LPP: variants seen among roughly 807,000 people sequenced by gnomAD.
LPP encodes lipoma-preferred partner.
LPP carries 38 observed loss-of-function variants against 60.4 expected under a neutral mutation model. That is an observed-to-expected ratio of 0.63 (90% CI 0.49 to 0.83). The LOEUF (loss-of-function observed/expected upper bound fraction) is 0.83. Among genes scored for constraint, LPP ranks in the 40% least tolerant of loss-of-function variants. The pLI, the probability that LPP is intolerant of heterozygous loss-of-function variation, is 0.00. For missense variants in LPP, 902 were observed against 783.6 expected (o/e 1.15, Z -1.80); for synonymous variants, 328 against 290.8 (o/e 1.13, Z -1.30).
intron 8 of LPP, among the ~76,000 whole-genome samples, chr3:188,717,742 T>A (rs1714633133): frequency 6.6e-6 from 1 of 152,234 alleles, no homozygotes; most frequent in Non-Finnish European, 1.5e-5. Flanking sequence ...CAGCACTAAA[T>A]AAATAATAAT....
At chr3:188,782,509 G>A (rs1740130535) in intron 9 of LPP, among the ~76,000 whole-genome samples, 1 of 152,118 alleles carries the variant, frequency 6.6e-6, no homozygotes, top group African/African-American at 2.4e-5. Flanking sequence ...GAGTTTATGT[G>A]GTTTAATTGC....
intron 9 of LPP, among the ~76,000 whole-genome samples, chr3:188,844,053 A>G (rs1760832829): frequency 6.6e-6 from 1 of 152,140 alleles, no homozygotes; most frequent in South Asian, 2.1e-4. Flanking sequence ...TTCTTAGAAT[A>G]CTGTTAATTT....
intron 4 of LPP, among the ~76,000 whole-genome samples, chr3:188,458,837 G>C (rs1343009327): frequency 6.6e-6 from 1 of 151,772 alleles, no homozygotes; most frequent in East Asian, 1.9e-4. Context: ...AATGCAGTGT[G>C]GGTTTTTTTT....
intron 6 of LPP, among the ~76,000 whole-genome samples, chr3:188,578,002 A>G (rs2150946151): frequency 6.6e-6 from 1 of 152,124 alleles, no homozygotes; most frequent in East Asian, 1.9e-4. Context: ...TCTTAAATGT[A>G]CTACAGTAGA....
At chr3:188,621,464 T>C (rs1845788037) in intron 7 of LPP, among the ~76,000 whole-genome samples, 2 of 152,204 alleles carry the variant, frequency 1.3e-5, no homozygotes. Flanking sequence ...GATTATGGCC[T>C]CTAGCTCCAT....
intron 2 of LPP, among the ~76,000 whole-genome samples, chr3:188,321,798 A>G (rs188345865): frequency 1.1e-3 from 165 of 152,322 alleles, no homozygotes; most frequent in Admixed American, 1.4e-3. Flanking sequence ...GTTAACTGGC[A>G]TTTGTTGAAA....
At chr3:188,247,827 A>G (rs1727554372) in intron 2 of LPP, among the ~76,000 whole-genome samples, 1 of 151,928 alleles carries the variant, frequency 6.6e-6, no homozygotes, top group Admixed American at 6.6e-5. Flanking sequence ...AGATGTGATC[A>G]ATATCAATCT....
At chr3:188,310,252 C>T (rs1415943669) in intron 2 of LPP, among the ~76,000 whole-genome samples, 2 of 146,594 alleles carry the variant, frequency 1.4e-5, no homozygotes, top group East Asian at 2.0e-4. Context: ...GGAAGACTGA[C>T]GAAGTTGGCC....
chr3:188,819,353 T>C (rs1264732157), intron 9 of LPP, among the ~76,000 whole-genome samples: 2 of 151,852 alleles, frequency 1.3e-5, no homozygotes, highest in Non-Finnish European at 2.9e-5. Flanking sequence ...TATTCCCATC[T>C]TTACATCCAT....
chr3:188,512,768 A>G (rs1250164360), intron 5 of LPP, among the ~76,000 whole-genome samples: 1 of 152,156 alleles, frequency 6.6e-6, no homozygotes, highest in African/African-American at 2.4e-5. Flanking sequence ...ATGATGAGCT[A>G]ATGTATAAAG....
intron 6 of LPP, among the ~76,000 whole-genome samples, chr3:188,593,820 C>T (rs895460482): frequency 6.6e-6 from 1 of 152,038 alleles, no homozygotes; most frequent in Non-Finnish European, 1.5e-5. Context: ...ATGTATACAC[C>T]GTAGTTTCTT....
chr3:188,839,464 T>C (rs1246379814), intron 9 of LPP, among the ~76,000 whole-genome samples: 1 of 152,200 alleles, frequency 6.6e-6, no homozygotes, highest in Non-Finnish European at 1.5e-5. Flanking sequence ...ATGTAATCAT[T>C]GCAAGACTGA....
At chr3:188,526,009 T>C (rs565165852) in intron 6 of LPP, among the ~76,000 whole-genome samples, 3 of 152,314 alleles carry the variant, frequency 2.0e-5, no homozygotes, top group Admixed American at 6.5e-5. Flanking sequence ...TTGAAAGGGT[T>C]GTGGCAAATC....
intron 7 of LPP, among the ~76,000 whole-genome samples, chr3:188,663,754 C>T (rs1387780114): frequency 6.6e-6 from 1 of 152,128 alleles, no homozygotes; most frequent in African/African-American, 2.4e-5. Flanking sequence ...TCCACGAACC[C>T]AGGGTTGGTG....
At chr3:188,356,565 C>T (rs940690865) in intron 3 of LPP, among the ~76,000 whole-genome samples, 9 of 152,148 alleles carry the variant, frequency 5.9e-5, no homozygotes, top group Admixed American at 2.6e-4. Flanking sequence ...GGTTCTACTG[C>T]TTAACCTGCC....
intron 8 of LPP, among the ~76,000 whole-genome samples, chr3:188,752,842 A>T (rs192349538): frequency 2.4e-4 from 37 of 152,288 alleles, no homozygotes; most frequent in African/African-American, 8.7e-4. Context: ...CACATTCCTG[A>T]TGGAAAGCTA....
chr3:188,379,388 C>T (rs566454190), intron 3 of LPP, among the ~76,000 whole-genome samples: 2 of 152,064 alleles, frequency 1.3e-5, no homozygotes, highest in South Asian at 4.1e-4. Context: ...TTCTTAATAG[C>T]TTTATTGAGA....
rs1342207321 is a variant in LPP, at chr3:188,495,082, A to ATATATATATATATATAT, written c.306+10379_306+10380insATATATATATATATATT. Among the ~76,000 whole-genome samples, 167 of 96,966 alleles carry ATATATATATATATATAT rather than the reference A, an allele frequency of 1.7e-3. 6 individuals carry two copies. The highest frequency in any genetic ancestry group is 5.7e-3 in the South Asian group (18 of 3,140). 63.6% of individuals were successfully genotyped at this position (96,966 alleles called of 152,430 possible). ...CAGGATTTTATATATATATATATAT[A>ATATATATATATATATAT]TTTTATTTATATTTTATTATATATT... On this transcript the variant is annotated intron_variant, in intron 5 of 11. Coordinates refer to ENST00000617246, the MANE Select transcript of LPP (RefSeq NM_001375462.1).
intron 2 of LPP, among the ~76,000 whole-genome samples, chr3:188,247,462 T>G (rs1449004209): frequency 5.9e-5 from 9 of 152,148 alleles, no homozygotes; most frequent in African/African-American, 1.9e-4. Context: ...TGGTTTGTAA[T>G]TTTTGTCATT....
Sources: allele counts gnomAD v4.1 joint callset (sites outside exome capture counted in the v4.1 genomes callset), GRCh38; gene constraint gnomAD v4.1.1; transcripts MANE v1.5; gene names NCBI Gene and HGNC (gene_info 2026-07-23, HGNC 2026-07-21).